GNB1L: variants seen among roughly 807,000 people sequenced by gnomAD.
GNB1L encodes guanine nucleotide-binding protein subunit beta-like protein 1.
A neutral mutation model predicts 29.1 loss-of-function variants in GNB1L; 20 were observed. That is an observed-to-expected ratio of 0.69 (90% CI 0.48 to 1.00). The LOEUF (loss-of-function observed/expected upper bound fraction) is 1.00, where lower values mean the gene tolerates loss of function less well. GNB1L is among the 50% of genes least tolerant of loss of function. The pLI is 0.00. For missense variants in GNB1L, 421 were observed against 464.9 expected, an observed-to-expected ratio of 0.91 and a Z score of 0.87; for synonymous variants, 193 against 206.5, an observed-to-expected ratio of 0.93 and a Z score of 0.56.
chr22:19,848,539 C>A (rs953736168), intron 2 of GNB1L: 1 of 985,542 alleles, frequency 1.0e-6, no homozygotes, highest in Non-Finnish European at 1.2e-6. Flanking sequence ...GTTGCCTCCA[C>A]CCTACCTGTG....
Position 19,847,995 on chromosome 22 carries a change from C to G in GNB1L, c.-21+6448G>C, listed in dbSNP as rs80122683. On this transcript the variant is annotated intron_variant, in intron 2 of 7. Coordinates refer to ENST00000329517, the MANE Select transcript of GNB1L (RefSeq NM_053004.3). ...ACTCGTTAATTGGAAACACCTCTAG[C>G]CTGTACTAAATTTCCATATTTATTT... The G allele has an allele frequency of 0.014, 14,177 of 985,066 alleles. 1,464 individuals are homozygous for G. The African/African-American group carries it at 0.22, about 16-fold the overall frequency. The allele number at this position is 985,066 out of a possible 1,614,324, so 61.0% of individuals were successfully genotyped here. A position where few individuals can be genotyped will look rare whatever the true frequency, so the allele number is the denominator to read the frequency against.
intron 5 of GNB1L, 106 bp from the exon 6 acceptor site, chr22:19,806,863 T>C (rs1937442852): frequency 1.1e-5 from 9 of 833,308 alleles, no homozygotes; most frequent in Non-Finnish European, 1.8e-5. Flanking sequence ...TGAGTTTCTG[T>C]CTGCTCCCCT....
In GNB1L at chr22:19,801,653, G is replaced by GTTT. The variant is rs546357448; in HGVS notation, c.732+345_732+347dup. 1.1e-3 allele frequency among the ~76,000 whole-genome samples: 145 copies of GTTT among 137,688 alleles called. 1 individual carries two copies. Among genetic ancestry groups the GTTT allele is most frequent in the African/African-American group, 3.6e-3 (135 of 37,412 alleles). The allele number at this position is 137,688 out of a possible 152,430, so 90.3% of individuals were successfully genotyped here. A position where few individuals can be genotyped will look rare whatever the true frequency, so the allele number is the denominator to read the frequency against. On this transcript the variant is annotated intron_variant, in intron 7 of 7. Transcript: ENST00000329517. Reference sequence around the variant, plus strand: ...CAGCTCCTCGCAGTTTTCCACACTGGTTTTTTTTTTTTTTTTTTGATTAAT... The same window carrying GTTT: ...CAGCTCCTCGCAGTTTTCCACACTGGTTTTTTTTTTTTTTTTTTTTTGATTAAT...
chr22:19,797,745 C>T (rs1779080226), intron 7 of GNB1L, among the ~76,000 whole-genome samples: 1 of 152,216 alleles, frequency 6.6e-6, no homozygotes, highest in African/African-American at 2.4e-5. Context: ...TCTCTCAAGG[C>T]CAAGCCCCTG....
chr22:19,813,092 A>T (rs1039571897), intron 4 of GNB1L, among the ~76,000 whole-genome samples: 1 of 152,134 alleles, frequency 6.6e-6, no homozygotes, highest in African/African-American at 2.4e-5. Context: ...GGGCTGGCGG[A>T]GTCGAATTAG....
intron 2 of GNB1L, chr22:19,846,861 C>T (rs1160039667): frequency 6.6e-6 from 6 of 914,574 alleles, no homozygotes; most frequent in African/African-American, 5.4e-5. Context: ...GAGGAAATGT[C>T]TGTTGTTTAA....
rs79938414 is a variant in GNB1L at position 19,819,430 on chromosome 22, C to G, written c.254+1168G>C. On this transcript the variant is annotated intron_variant, in intron 4 of 7. Transcript: ENST00000329517. ...GCTCATCTGAGGAGGGGCCTGGGCT[C>G]AATGCGGACCCCTGGCCAGGGCGAG... is the stretch of plus-strand genomic sequence containing the variant. Among the ~76,000 whole-genome samples, 851 of 152,318 alleles carry G rather than the reference C, an allele frequency of 5.6e-3. 10 individuals carry two copies. Among genetic ancestry groups the G allele is most frequent in the African/African-American group, 0.02 (817 of 41,564 alleles).
intron 6 of GNB1L, among the ~76,000 whole-genome samples, chr22:19,805,174 C>T (rs1409792851): frequency 6.6e-6 from 1 of 152,246 alleles, no homozygotes; most frequent in Non-Finnish European, 1.5e-5. Flanking sequence ...ATGGCCACAG[C>T]CACAGAAGCA....
In GNB1L at chr22:19,788,265, C is replaced by T. The variant is rs1569035891; in HGVS notation, c.*444G>A. 3 of 447,112 alleles carry T rather than the reference C, an allele frequency of 6.7e-6. No individual in the cohort carries two copies. In the East Asian group the frequency reaches 1.2e-4, roughly 18 times the overall value. 27.7% of individuals were successfully genotyped at this position (447,112 alleles called of 1,614,324 possible). The stretch of plus-strand genomic sequence containing the variant: ...GGTTGGGGCCTATCATCTCCTGAGG[C>T]CTGGCCCAGGAAACCCACACTCGGG... On this transcript the variant is annotated 3_prime_UTR_variant, in exon 8 of 8. Coordinates refer to ENST00000329517, the MANE Select transcript of GNB1L (RefSeq NM_053004.3).
chr22:19,828,035 T>A (rs1265693908), intron 2 of GNB1L, among the ~76,000 whole-genome samples: 1 of 152,180 alleles, frequency 6.6e-6, no homozygotes, highest in African/African-American at 2.4e-5. Flanking sequence ...CTCAAAGTCA[T>A]AATTCTCATC....
At chr22:19,806,807 C>T (rs754558227) in intron 5 of GNB1L, 50 bp from the exon 6 acceptor site, 19 of 1,275,736 alleles carry the variant, frequency 1.5e-5, no homozygotes, top group South Asian at 8.6e-5. Context: ...GTCGAGTCTG[C>T]GCTATACAAA....
Position 19,847,560 on chromosome 22 carries a change from G to A in GNB1L, c.-21+6883C>T, listed in dbSNP as rs143551481. 1.4e-3 allele frequency: 1,363 copies of A among 985,252 alleles called. 2 individuals carry two copies. The highest frequency in any genetic ancestry group is 1.5e-3 in the Non-Finnish European group (1,209 of 829,858). The allele number at this position is 985,252 out of a possible 1,614,324, so 61.0% of individuals were successfully genotyped here. A position where few individuals can be genotyped will look rare whatever the true frequency, so the allele number is the denominator to read the frequency against. ...TAAGGACCCTCAGCTCATGCGGGGA[G>A]GGGAGGAGGCAAGGCCAACCTCCAG... On this transcript the variant is annotated intron_variant, in intron 2 of 7. Coordinates refer to ENST00000329517, the MANE Select transcript of GNB1L (RefSeq NM_053004.3).
intron 7 of GNB1L, among the ~76,000 whole-genome samples, chr22:19,789,815 C>T (rs969687108): frequency 7.1e-6 from 1 of 140,336 alleles, no homozygotes; most frequent in Non-Finnish European, 1.5e-5. Context: ...CCTGCCTGGG[C>T]GACAGAGTGA....
chr22:19,828,766 C>T (rs1474488862), intron 2 of GNB1L, among the ~76,000 whole-genome samples: 1 of 151,230 alleles, frequency 6.6e-6, no homozygotes, highest in Non-Finnish European at 1.5e-5. Context: ...AGAGCAGAAA[C>T]GACAGGAGAT....
intron 2 of GNB1L, among the ~76,000 whole-genome samples, chr22:19,822,030 A>G (rs755896767): frequency 4.6e-5 from 7 of 152,056 alleles, no homozygotes; most frequent in Non-Finnish European, 1.0e-4. Context: ...GGATCAGGGG[A>G]AAAGAGGCAC....
At position 19,788,692 on chromosome 22, in the gene GNB1L, G is replaced by T. The variant is rs767000148; in HGVS notation, c.*17C>A. The stretch of plus-strand genomic sequence containing the variant: ...CCCTGCCCGCCCTCCTCGTCTCCCG[G>T]GAAGGGAGTGGGTGAGTCATGCGCG... On this transcript the variant is annotated 3_prime_UTR_variant, in exon 8 of 8. Coordinates refer to ENST00000329517, the MANE Select transcript of GNB1L (RefSeq NM_053004.3). 1.9e-6 allele frequency: 3 copies of T among 1,611,732 alleles called. No individual in the cohort carries two copies. In the East Asian group the frequency reaches 6.7e-5, roughly 36 times the overall value.
chr22:19,846,728 T>C (rs1352306058), intron 2 of GNB1L: 2 of 356,838 alleles, frequency 5.6e-6, no homozygotes, highest in Non-Finnish European at 7.8e-6. Context: ...TTATGAGAGA[T>C]TAGGACACAG....
At position 19,816,002 on chromosome 22, in the gene GNB1L, C is replaced by T. The variant is rs1488204574; in HGVS notation, c.255-3555G>A. ...TCCTAGCCCTGTGCACACAGGTGAG[C>T]CTCTCACCAAGAACTCCACCTTGTC... On this transcript the variant is annotated intron_variant, in intron 4 of 7. Coordinates refer to ENST00000329517, the MANE Select transcript of GNB1L (RefSeq NM_053004.3). This position sits in a 1 kb window ranked among gnomAD's most constrained non-coding sequence, Gnocchi z 4.4. 6.6e-6 allele frequency among the ~76,000 whole-genome samples: 1 copy of T among 152,206 alleles called. No individual in the cohort carries two copies. Among genetic ancestry groups the T allele is most frequent in the Non-Finnish European group, 1.5e-5 (1 of 68,030 alleles).
chr22:19,849,944 T>A (rs1299562909), intron 2 of GNB1L: 25 of 985,412 alleles, frequency 2.5e-5, no homozygotes, highest in Non-Finnish European at 3.0e-5. Context: ...CCCCTCCTTG[T>A]GTGGAACAGG....
Sources: gnomAD v4.1 joint callset for allele counts (sites outside exome capture counted in the v4.1 genomes callset) on GRCh38, gnomAD v4.1.1 for gene constraint, Gnocchi (gnomAD v3.1) non-coding constraint, MANE v1.5 for transcripts, NCBI Gene and HGNC (gene_info 2026-07-23, HGNC 2026-07-21) for gene names.